CTPS2: variants seen among roughly 807,000 people sequenced by gnomAD.
The protein encoded by CTPS2 is CTP synthase 2, also known as CTP synthase II.
CTPS2 carries 19 observed loss-of-function variants against 46.8 expected under a neutral mutation model. That is an observed-to-expected ratio of 0.41 (90% CI 0.28 to 0.60). CTPS2 has a LOEUF of 0.60. CTPS2 is among the 20% of genes least tolerant of loss of function. The probability of loss-of-function intolerance (pLI) is 0.35; values close to 1 mark genes in which losing one functional copy is unlikely to be tolerated. For synonymous variants in CTPS2, 151 were observed against 165.2 expected (o/e 0.91, Z 0.66); for missense variants, 286 against 447.6 (o/e 0.64, Z 3.26).
intron 8 of CTPS2, among the ~76,000 whole-genome samples, chrX:16,685,446 C>T (rs1404434169): frequency 1.8e-5 from 2 of 110,733 alleles, no homozygotes; most frequent in African/African-American, 6.6e-5. Flanking sequence ...CCTCATGTGC[C>T]CCACTCAGCC....
Position 16,682,449 on chromosome X carries a change from C to A in CTPS2, c.1005+645G>T, listed in dbSNP as rs767350038. Among the ~76,000 whole-genome samples the A allele has an allele frequency of 1.3e-4, 15 of 112,062 alleles. No homozygotes were observed. In the East Asian group the frequency reaches 3.9e-3, roughly 29 times the overall value. On this transcript the variant is annotated intron_variant, in intron 9 of 18. Coordinates refer to ENST00000359276, the MANE Select transcript of CTPS2 (RefSeq NM_175859.3). ...GCGGTGGGCCGAGATCATGCCACTG[C>A]ACACCAACCTGGGCGGCAGAGGGAG... is the stretch of plus-strand genomic sequence containing the variant.
chrX:16,674,352 G>A (rs1415787213), intron 10 of CTPS2, among the ~76,000 whole-genome samples: 1 of 109,459 alleles, frequency 9.1e-6, no homozygotes, highest in South Asian at 4.0e-4. Context: ...TAGTAGAGAC[G>A]GGGTTTCACC....
chrX:16,679,713 C>A (rs912152878), intron 9 of CTPS2, among the ~76,000 whole-genome samples: 1 of 111,148 alleles, frequency 9.0e-6, no homozygotes, highest in Non-Finnish European at 1.9e-5. Context: ...AGGATTAGTG[C>A]CCCTATAAAA....
intron 13 of CTPS2, among the ~76,000 whole-genome samples, chrX:16,656,910 G>T (rs1932834593): frequency 9.0e-6 from 1 of 111,194 alleles, no homozygotes; most frequent in Non-Finnish European, 1.9e-5. Context: ...TTGAGATAGG[G>T]TATTGCTCGG....
At chrX:16,663,943 C>G (rs12834045) in intron 13 of CTPS2, among the ~76,000 whole-genome samples, 1 of 111,188 alleles carries the variant, frequency 9.0e-6, no homozygotes, top group Non-Finnish European at 1.9e-5. Flanking sequence ...TCACGCCATT[C>G]TCCTGCCTCA....
At chrX:16,707,264 C>T (rs1312603525) in intron 1 of CTPS2, among the ~76,000 whole-genome samples, 12 of 111,350 alleles carry the variant, frequency 1.1e-4, no homozygotes, top group Non-Finnish European at 2.3e-4. Context: ...GCCTTCTGCT[C>T]TTGTAATTTC....
chrX:16,599,089 G>C (rs372946404), intron 17 of CTPS2, among the ~76,000 whole-genome samples: 2,734 of 111,520 alleles, frequency 0.025, 98 homozygotes, highest in African/African-American at 0.084. Context: ...ATGACAAACC[G>C]ACAGCCAATA....
chrX:16,689,101 G>C (rs978120842), intron 8 of CTPS2, among the ~76,000 whole-genome samples: 3 of 109,527 alleles, frequency 2.7e-5, no homozygotes, highest in East Asian at 5.7e-4. Context: ...TCTCAAAAAA[G>C]AAAAAAGAAA....
rs868494438 is a variant in CTPS2, at chrX:16,597,873, G to A, written c.1692-7011C>T. ...TTTGTATCCTCTTTTATTTCATTGA[G>A]CAGTGGTTTGTAGTTCTCCTTGAAG... On this transcript the variant is annotated intron_variant, in intron 17 of 18. Coordinates refer to ENST00000359276, the MANE Select transcript of CTPS2 (RefSeq NM_175859.3). 2.4e-4 allele frequency among the ~76,000 whole-genome samples: 25 copies of A among 105,020 alleles called. No homozygotes were observed. In the Middle Eastern group the frequency reaches 0.014, roughly 59 times the overall value. 91.2% of individuals were successfully genotyped at this position (105,020 alleles called of 115,157 possible). A position where few individuals can be genotyped will look rare whatever the true frequency, so the allele number is the denominator to read the frequency against.
chrX:16,622,581 C>T (rs957269293), intron 14 of CTPS2, among the ~76,000 whole-genome samples: 2 of 110,746 alleles, frequency 1.8e-5, no homozygotes, highest in African/African-American at 6.6e-5. Context: ...TTTGTAAATC[C>T]AATACTAGAG....
intron 17 of CTPS2, among the ~76,000 whole-genome samples, chrX:16,604,821 A>C (rs908426249): frequency 1.7e-4 from 19 of 112,734 alleles, no homozygotes; most frequent in South Asian, 7.4e-4. Context: ...AAGACCATGC[A>C]AATTTGTGGT....
chrX:16,691,133 A>G (rs1159268057), intron 7 of CTPS2, among the ~76,000 whole-genome samples: 2 of 112,205 alleles, frequency 1.8e-5, no homozygotes, highest in Non-Finnish European at 3.8e-5. Context: ...CCTGGCCAAC[A>G]TGGCAAAACC....
intron 13 of CTPS2, among the ~76,000 whole-genome samples, chrX:16,663,982 CGTG>C (rs1489206771): frequency 6.3e-5 from 7 of 110,617 alleles, no homozygotes; most frequent in Non-Finnish European, 1.1e-4. Context: ...ACTACAGGCG[CGTG>C]CCACCACGCC....
chrX:16,673,167 T>G (rs773569880), intron 10 of CTPS2, among the ~76,000 whole-genome samples: 64 of 110,704 alleles, frequency 5.8e-4, no homozygotes, highest in African/African-American at 2.0e-3. Context: ...ATTACAGGCG[T>G]GAGCCACCGC....
chrX:16,711,206 AAT>A (rs1005649929), intron 1 of CTPS2, among the ~76,000 whole-genome samples: 3 of 112,440 alleles, frequency 2.7e-5, no homozygotes, highest in South Asian at 3.6e-4. Context: ...AGTTCATGTT[AAT>A]ATATGTTATT....
At chrX:16,600,195 A>G (rs998450779) in intron 17 of CTPS2, among the ~76,000 whole-genome samples, 6 of 111,798 alleles carry the variant, frequency 5.4e-5, no homozygotes, top group African/African-American at 1.6e-4. Context: ...GGGAAAGGGT[A>G]TAGCAATGCC....
chrX:16,621,325 G>T lies in CTPS2; in HGVS notation c.1394-993C>A, dbSNP rs60933173. ...TCGGGGGGTAGGGGGTTGGGGGAGG[G>T]ATAGCATTAGGAGAATACCTAATGT... On this transcript the variant is annotated intron_variant, in intron 14 of 18. Transcript: ENST00000359276. Among the ~76,000 whole-genome samples, 1,031 of 105,520 alleles carry T rather than the reference G, an allele frequency of 9.8e-3. 18 individuals carry two copies. Among genetic ancestry groups the T allele is most frequent in the African/African-American group, 0.034 (979 of 28,681 alleles). 91.6% of individuals were successfully genotyped at this position (105,520 alleles called of 115,157 possible).
chrX:16,613,879 C>T (rs1318691714), intron 16 of CTPS2, among the ~76,000 whole-genome samples: 1 of 111,786 alleles, frequency 8.9e-6, no homozygotes, highest in Non-Finnish European at 1.9e-5. Flanking sequence ...GCGTGAGCCA[C>T]TGCACCTGGC....
rs1460755680 is a variant in CTPS2 at position 16,598,782 on chromosome X, T to A, written c.1692-7920A>T. Among the ~76,000 whole-genome samples, 3 of 111,394 alleles carry A rather than the reference T, an allele frequency of 2.7e-5. No homozygotes were observed. The East Asian group carries it at 8.4e-4, about 31-fold the overall frequency. On this transcript the variant is annotated intron_variant, in intron 17 of 18. Transcript: ENST00000359276. ...AAAGAGAATTTTAGACCAATATCCT[T>A]GATGAACATTGATGCAAAAATCCTC... is the stretch of plus-strand genomic sequence containing the variant.
Sources: allele counts gnomAD v4.1 joint callset (sites outside exome capture counted in the v4.1 genomes callset), GRCh38; gene constraint gnomAD v4.1.1; transcripts MANE v1.5; gene names NCBI Gene and HGNC (gene_info 2026-07-23, HGNC 2026-07-21).